NLRP13: variants seen among roughly 807,000 people sequenced by gnomAD.
NLRP13 encodes NLR family pyrin domain containing 13.
In NLRP13, 82 loss-of-function variants were observed where a neutral mutation model predicts 94.4. The ratio of observed to expected loss-of-function variants is 0.87; its 90% CI spans 0.73 to 1.04. NLRP13 has a LOEUF of 1.04. Among genes scored for constraint, NLRP13 ranks in the 50% least tolerant of loss-of-function variants. The pLI, the probability that NLRP13 is intolerant of heterozygous loss-of-function variation, is 0.00. For missense variants in NLRP13, 1,426 were observed against 1,230.8 expected, an observed-to-expected ratio of 1.16 and a Z score of -2.37; for synonymous variants, 553 against 464.7, an observed-to-expected ratio of 1.19 and a Z score of -2.45.
At chr19:55,926,365 T>C (rs1374462764) in intron 1 of NLRP13, among the ~76,000 whole-genome samples, 1 of 152,218 alleles carries the variant, frequency 6.6e-6, no homozygotes, top group African/African-American at 2.4e-5. Flanking sequence ...TCACTTATTC[T>C]CCCTCATGCT....
intron 6 of NLRP13, among the ~76,000 whole-genome samples, chr19:55,908,638 T>C (rs951635905): frequency 2.6e-5 from 4 of 152,136 alleles, no homozygotes; most frequent in African/African-American, 9.7e-5. Flanking sequence ...TGGATGGAGC[T>C]GGAGGCCATC....
chr19:55,924,559 C>T, intron 3 of NLRP13, 31 bp downstream of exon 3: 2 of 1,520,240 alleles, frequency 1.3e-6, no homozygotes, highest in Non-Finnish European at 1.8e-6. Flanking sequence ...ATCAAGCAAC[C>T]TGTCAATTAT....
chr19:55,899,548 GAGGCGGGT>G (rs1443431659), intron 9 of NLRP13, among the ~76,000 whole-genome samples: 3 of 152,064 alleles, frequency 2.0e-5, no homozygotes, highest in Non-Finnish European at 4.4e-5. Context: ...TTGGGAGGCT[GAGGCGGGT>G]GGATCATGAG....
At position 55,913,143 on chromosome 19, in the gene NLRP13, C is replaced by G. The variant is rs1336360190; in HGVS notation, c.674G>C (p.Arg225Thr). ...LQRLLDPNRT[R>T]AQAQTIVLVG... ...CAAGACTATCGTCTGGGCCTGGGCTCTAGTCCTATTAGGATCCAGTAGGCG... is the reference window on the plus strand; with the variant it reads ...CAAGACTATCGTCTGGGCCTGGGCTGTAGTCCTATTAGGATCCAGTAGGCG... The change falls in exon 5 of 11, where the codon AGA becomes ACA. Residue 225 changes from arginine to threonine, a missense_variant. Arg to Thr is a moderately conservative substitution (Grantham distance 71, BLOSUM62 -1). Transcript: ENST00000342929. 3.1e-6 allele frequency: 5 copies of G among 1,614,122 alleles called. No individual in the cohort carries two copies. Among genetic ancestry groups the G allele is most frequent in the Non-Finnish European group, 4.2e-6 (5 of 1,180,020 alleles).
chr19:55,931,996 T>C lies in NLRP13; in HGVS notation c.316A>G (p.Lys106Glu), dbSNP rs1987158655. 6.2e-7 allele frequency: 1 copy of C among 1,613,076 alleles called. No homozygotes were observed. The highest frequency in any genetic ancestry group is 8.5e-7 in the Non-Finnish European group (1 of 1,179,982). ...CTTCCTTCTTGAGGACTCTCACCTT[T>C]CATCTCGGCTCTAACTTTCTCACAC... is the stretch of plus-strand genomic sequence containing the variant. ...SLCEKVRAEM[K>E]ENVQTQELQD... is the part of the protein sequence containing the mutation. Residue 106 changes from lysine (K) to glutamate (E), a missense_variant, in exon 1 of 11, where the codon AAA becomes GAA. Coordinates refer to ENST00000342929, the MANE Select transcript of NLRP13 (RefSeq NM_176810.2).
chr19:55,927,819 C>T (rs1987006741), intron 1 of NLRP13, among the ~76,000 whole-genome samples: 1 of 152,142 alleles, frequency 6.6e-6, no homozygotes, highest in Non-Finnish European at 1.5e-5. Flanking sequence ...ATCACTTGTC[C>T]AAGGTTACCG....
chr19:55,914,228 T>C (rs1450510790), intron 4 of NLRP13, among the ~76,000 whole-genome samples: 2 of 152,156 alleles, frequency 1.3e-5, no homozygotes, highest in Non-Finnish European at 2.9e-5. Context: ...TGAGGAGTGA[T>C]TGAGCTAGCG....
chr19:55,918,584 A>G (rs1187246494), intron 4 of NLRP13, among the ~76,000 whole-genome samples: 3 of 152,142 alleles, frequency 2.0e-5, no homozygotes, highest in Admixed American at 2.0e-4. Context: ...ATCAGAGACT[A>G]CTATGGACAA....
intron 6 of NLRP13, among the ~76,000 whole-genome samples, chr19:55,909,396 A>T (rs1378181092): frequency 1.3e-5 from 2 of 152,154 alleles, no homozygotes; most frequent in African/African-American, 4.8e-5. Flanking sequence ...TTTAATTCAC[A>T]TACTTTTTCC....
chr19:55,918,954 A>G (rs183225480), intron 4 of NLRP13, among the ~76,000 whole-genome samples: 165 of 152,224 alleles, frequency 1.1e-3, no homozygotes, highest in African/African-American at 3.1e-3. Context: ...CCTGATGAAC[A>G]TAAGTGCAAA....
chr19:55,909,867 A>AG lies in NLRP13; in HGVS notation c.2282+695dup, dbSNP rs1487751856. Among the ~76,000 whole-genome samples, 6 of 151,958 alleles carry AG rather than the reference A, an allele frequency of 3.9e-5. No homozygotes were observed. In the East Asian group the frequency reaches 1.2e-3, roughly 29 times the overall value. On this transcript the variant is annotated intron_variant, in intron 6 of 10. Coordinates refer to ENST00000342929, the MANE Select transcript of NLRP13 (RefSeq NM_176810.2). ...TTTTTCCCCAGGTATCCATGGGCAC[A>AG]GTCCCTCCTCCTTCCCTACACTGAG...
chr19:55,892,640 C>T (rs1027111352), downstream of NLRP13, among the ~76,000 whole-genome samples: 1 of 152,044 alleles, frequency 6.6e-6, no homozygotes, highest in African/African-American at 2.4e-5. Context: ...AGGCTGGTCT[C>T]GAACTCCTGA....
chr19:55,918,828 T>G (rs942950836), intron 4 of NLRP13, among the ~76,000 whole-genome samples: 2 of 152,092 alleles, frequency 1.3e-5, no homozygotes, highest in Non-Finnish European at 2.9e-5. Flanking sequence ...ACTGAAACTG[T>G]TGCAGAAAAA....
intron 1 of NLRP13, among the ~76,000 whole-genome samples, chr19:55,930,098 A>G (rs1188077405): frequency 6.6e-6 from 1 of 152,092 alleles, no homozygotes; most frequent in African/African-American, 2.4e-5. Context: ...ATGACTCCGC[A>G]TGCCCCGTGT....
At chr19:55,894,521 G>C (rs1000076461), downstream of NLRP13, among the ~76,000 whole-genome samples, 1 of 152,116 alleles carries the variant, frequency 6.6e-6, no homozygotes, top group Non-Finnish European at 1.5e-5. Flanking sequence ...CACCTCTCAT[G>C]TTCCCTTCCT....
chr19:55,896,593 T>C (rs1453499909), intron 10 of NLRP13, among the ~76,000 whole-genome samples: 1 of 144,876 alleles, frequency 6.9e-6, no homozygotes, highest in African/African-American at 2.6e-5. Flanking sequence ...CTGAGGTGGG[T>C]GGATCACAAG....
At chr19:55,908,404 C>T (rs1260159185) in intron 6 of NLRP13, among the ~76,000 whole-genome samples, 1 of 152,180 alleles carries the variant, frequency 6.6e-6, no homozygotes, top group African/African-American at 2.4e-5. Context: ...AAGAAGACTG[C>T]CCAATCCCAT....
At chr19:55,910,829 A>G (rs1250148925) in intron 5 of NLRP13, 96 bp from the exon 6 acceptor site, 19 of 1,060,492 alleles carry the variant, frequency 1.8e-5, no homozygotes, top group Non-Finnish European at 2.4e-5. Flanking sequence ...ACCCTAACAA[A>G]ATTATTATAA....
Position 55,899,553 on chromosome 19 carries a change from G to T in NLRP13, c.2790-616C>A, listed in dbSNP as rs191425259. Among the ~76,000 whole-genome samples the T allele has an allele frequency of 3.8e-3, 574 of 152,072 alleles. 3 individuals carry two copies. Among genetic ancestry groups the T allele is most frequent in the Non-Finnish European group, 6.2e-3 (421 of 67,976 alleles). On this transcript the variant is annotated intron_variant, in intron 9 of 10. Transcript: ENST00000342929. ...TCCCAGCACTTTGGGAGGCTGAGGCGGGTGGATCATGAGGTCAGGAGTTCG... is the reference window on the plus strand; with the variant it reads ...TCCCAGCACTTTGGGAGGCTGAGGCTGGTGGATCATGAGGTCAGGAGTTCG...
Sources: gnomAD v4.1 joint callset for allele counts (sites outside exome capture counted in the v4.1 genomes callset) on GRCh38, gnomAD v4.1.1 for gene constraint, MANE v1.5 for transcripts, NCBI Gene and HGNC (gene_info 2026-07-23, HGNC 2026-07-21) for gene names.